NUP35: variants seen among roughly 807,000 people sequenced by gnomAD.
The protein encoded by NUP35 is nucleoporin 35, also known as nucleoporin NUP35.
Under a neutral mutation model 41.5 loss-of-function variants are expected in NUP35, and 25 were observed. The ratio of observed to expected loss-of-function variants is 0.60; its 90% CI spans 0.44 to 0.84. The LOEUF is 0.84. Ranked by LOEUF, NUP35 falls within the 40% of genes least tolerant of loss-of-function variation. The pLI, the probability that NUP35 is intolerant of heterozygous loss-of-function variation, is 0.00. For synonymous variants in NUP35, 149 were observed against 130.7 expected (o/e 1.14, Z -0.96); for missense variants, 396 against 396.6 (o/e 1.00, Z 0.01).
chr2:183,144,634 G>A (rs912317063), intron 4 of NUP35, among the ~76,000 whole-genome samples: 3 of 152,176 alleles, frequency 2.0e-5, no homozygotes, highest in East Asian at 3.8e-4. Context: ...TAGGAAGAAT[G>A]TTTGAATAGT....
At chr2:183,124,645 G>C in intron 1 of NUP35, 148 bp downstream of exon 1, 1 of 1,010,940 alleles carries the variant, frequency 9.9e-7, no homozygotes, top group Non-Finnish European at 1.5e-6. Context: ...GTTCATAGTC[G>C]GTCCCCTACT....
intron 4 of NUP35, among the ~76,000 whole-genome samples, chr2:183,148,910 G>A (rs76371575): frequency 0.032 from 4,922 of 152,162 alleles, 96 homozygotes; most frequent in Non-Finnish European, 0.043. Flanking sequence ...CAAAGCGCTG[G>A]GATTACAGTC....
intron 4 of NUP35, among the ~76,000 whole-genome samples, chr2:183,136,257 A>T (rs1194579578): frequency 6.6e-6 from 1 of 152,198 alleles, no homozygotes; most frequent in African/African-American, 2.4e-5. Flanking sequence ...AGTTGCCATA[A>T]CAAATTACGA....
chr2:183,125,470 T>C (rs1255120958), intron 1 of NUP35, among the ~76,000 whole-genome samples: 1 of 149,618 alleles, frequency 6.7e-6, no homozygotes, highest in African/African-American at 2.6e-5. Flanking sequence ...ATGCTTGCCA[T>C]GTTTGGTGTA....
intron 5 of NUP35, among the ~76,000 whole-genome samples, chr2:183,153,093 C>T (rs913242514): frequency 2.0e-5 from 3 of 152,090 alleles, no homozygotes; most frequent in Admixed American, 6.6e-5. Context: ...CATCAGATCT[C>T]GTGAGACTTA....
intron 5 of NUP35, among the ~76,000 whole-genome samples, chr2:183,154,768 G>A (rs182114322): frequency 1.6e-3 from 242 of 152,078 alleles, no homozygotes; most frequent in African/African-American, 5.6e-3. Flanking sequence ...ACATTTTTGG[G>A]TATCTTTTCA....
chr2:183,155,976 A>G (rs1685650836), intron 5 of NUP35, among the ~76,000 whole-genome samples: 2 of 152,036 alleles, frequency 1.3e-5, no homozygotes, highest in Non-Finnish European at 2.9e-5. Context: ...TTTTATTTTG[A>G]TCATTTATGG....
intron 4 of NUP35, among the ~76,000 whole-genome samples, chr2:183,142,483 A>G (rs2105580094): frequency 6.7e-6 from 1 of 148,986 alleles, no homozygotes; most frequent in South Asian, 2.1e-4. Flanking sequence ...GGTGGTGGGC[A>G]CTTTTGTTTT....
chr2:183,139,732 C>T (rs1685017908), intron 4 of NUP35, among the ~76,000 whole-genome samples: 1 of 152,156 alleles, frequency 6.6e-6, no homozygotes, highest in South Asian at 2.1e-4. Context: ...CAAAGCATGC[C>T]ATAAGTCACC....
chr2:183,129,903 A>G (rs1684638167), intron 2 of NUP35, among the ~76,000 whole-genome samples: 1 of 152,158 alleles, frequency 6.6e-6, no homozygotes, highest in Non-Finnish European at 1.5e-5. Flanking sequence ...CTTTTACTAC[A>G]TCTTTATTAT....
rs535624700 is a variant in NUP35, at chr2:183,159,259, G to A, written c.739-229G>A. Among the ~76,000 whole-genome samples, 5 of 152,234 alleles carry A rather than the reference G, an allele frequency of 3.3e-5. No homozygotes were observed. The East Asian group carries it at 9.6e-4, about 29-fold the overall frequency. On this transcript the variant is annotated intron_variant, in intron 7 of 8. Transcript: ENST00000295119. ...ATTCTTATTTTTGTGGTCTATAGTT[G>A]TATTGAGATTGTTTGAGGTCACTGA...
intron 1 of NUP35, among the ~76,000 whole-genome samples, chr2:183,126,680 A>C (rs1684502259): frequency 6.7e-6 from 1 of 149,988 alleles, no homozygotes; most frequent in South Asian, 2.1e-4. Context: ...TATTGTTAAT[A>C]TCTAGGCCTA....
intron 5 of NUP35, among the ~76,000 whole-genome samples, chr2:183,156,940 T>G (rs577089901): frequency 1.3e-3 from 193 of 152,324 alleles, no homozygotes; most frequent in African/African-American, 4.4e-3. Context: ...AACTGTCCTT[T>G]TAAGTGATTC....
At chr2:183,142,564 C>A (rs550060092) in intron 4 of NUP35, among the ~76,000 whole-genome samples, 1 of 151,868 alleles carries the variant, frequency 6.6e-6, no homozygotes, top group African/African-American at 2.4e-5. Context: ...TCACTGCAAC[C>A]TGCCTCCCCA....
At chr2:183,149,664 C>G (rs1685395965) in intron 4 of NUP35, among the ~76,000 whole-genome samples, 1 of 152,152 alleles carries the variant, frequency 6.6e-6, no homozygotes, top group Admixed American at 6.5e-5. Flanking sequence ...CAAGAATCTC[C>G]AGACCACACT....
At chr2:183,151,693 C>T (rs761242328) in intron 5 of NUP35, 44 bp downstream of exon 5, 22 of 1,562,474 alleles carry the variant, frequency 1.4e-5, no homozygotes, top group Non-Finnish European at 1.8e-5. Flanking sequence ...CCCACCCTAA[C>T]ATTTTATAAT....
intron 4 of NUP35, among the ~76,000 whole-genome samples, chr2:183,143,509 G>A (rs1423505881): frequency 6.6e-6 from 1 of 152,140 alleles, no homozygotes; most frequent in East Asian, 1.9e-4. Flanking sequence ...AATATGGGCA[G>A]GGGCAAATCT....
intron 8 of NUP35, 151 bp downstream of exon 8, chr2:183,159,803 C>A: frequency 1.8e-6 from 1 of 546,898 alleles, no homozygotes; most frequent in Non-Finnish European, 3.0e-6. Context: ...AAGTTTTCTG[C>A]TTTAAAGTTA....
chr2:183,133,689 G>GGTAGC, intron 4 of NUP35, 66 bp downstream of exon 4: 2 of 1,124,074 alleles, frequency 1.8e-6, no homozygotes, highest in Non-Finnish European at 2.5e-6. Context: ...ACCCACGCTG[G>GGTAGC]AGTGCAGTGG....
Sources: gnomAD v4.1 joint callset for allele counts (sites outside exome capture counted in the v4.1 genomes callset) on GRCh38, gnomAD v4.1.1 for gene constraint, MANE v1.5 for transcripts, NCBI Gene and HGNC (gene_info 2026-07-23, HGNC 2026-07-21) for gene names.